Variants in AGO3 observed in about 807,000 individuals in gnomAD.
AGO3 encodes the protein protein argonaute-3.
AGO3 carries 16 observed loss-of-function variants against 105.5 expected under a neutral mutation model. That is an observed-to-expected ratio of 0.15 (90% CI 0.10 to 0.23). The LOEUF is 0.23. AGO3 is among the 10% of genes least tolerant of loss of function. AGO3 has a pLI of 1.00. For synonymous variants in AGO3, 340 were observed against 367.3 expected (o/e 0.93, Z 0.85); for missense variants, 534 against 1,088.0 (o/e 0.49, Z 7.16).
chr1:35,990,096 C>T (rs568213898), intron 5 of AGO3, among the ~76,000 whole-genome samples: 6 of 152,198 alleles, frequency 3.9e-5, no homozygotes, highest in African/African-American at 7.2e-5. Flanking sequence ...ATATTTAAAG[C>T]GGGAGAAGTT....
chr1:36,024,862 T>A (rs1641426224), intron 11 of AGO3, among the ~76,000 whole-genome samples: 1 of 152,148 alleles, frequency 6.6e-6, no homozygotes, highest in African/African-American at 2.4e-5. Flanking sequence ...TCATATATTC[T>A]GGCCAAAGAA....
intron 11 of AGO3, among the ~76,000 whole-genome samples, chr1:36,020,425 A>T (rs1424418840): frequency 6.6e-6 from 1 of 151,876 alleles, no homozygotes. Flanking sequence ...TTTATATATC[A>T]CTCTGTCTCT....
Position 36,013,911 on chromosome 1 carries a change from G to A in AGO3, c.1273-4G>A, listed in dbSNP as rs1569782495. On this transcript the variant is annotated splice_region_variant and splice_polypyrimidine_tract_variant and intron_variant, in intron 10 of 18. Coordinates refer to ENST00000373191, the MANE Select transcript of AGO3 (RefSeq NM_024852.4). The stretch of plus-strand genomic sequence containing the variant: ...CACCATGTTATTTTTTTCTCCTCGT[G>A]TAGAATCGGACAGTAGCAACACCGA... 1 of 1,609,176 alleles carries A rather than the reference G, an allele frequency of 6.2e-7. No homozygotes were observed. Among genetic ancestry groups the A allele is most frequent in the African/African-American group, 1.3e-5 (1 of 74,770 alleles).
At chr1:35,985,584 T>C (rs1647155664) in intron 5 of AGO3, among the ~76,000 whole-genome samples, 1 of 152,080 alleles carries the variant, frequency 6.6e-6, no homozygotes, top group Non-Finnish European at 1.5e-5. Context: ...TAATAAATTG[T>C]GTTTACACAG....
intron 2 of AGO3, among the ~76,000 whole-genome samples, chr1:35,960,559 A>G (rs545925383): frequency 5.1e-4 from 78 of 152,200 alleles, no homozygotes; most frequent in African/African-American, 1.8e-3. Context: ...TGTAATCTCA[A>G]CACTCTGGGA....
At chr1:36,050,202 G>A (rs1642648083) in intron 17 of AGO3, among the ~76,000 whole-genome samples, 1 of 152,166 alleles carries the variant, frequency 6.6e-6, no homozygotes, top group Non-Finnish European at 1.5e-5. Context: ...AATAATGGAG[G>A]CGGTCAGGTG....
intron 16 of AGO3, among the ~76,000 whole-genome samples, chr1:36,041,493 G>A (rs765714669): frequency 1.3e-5 from 2 of 151,968 alleles, no homozygotes; most frequent in African/African-American, 4.8e-5. Context: ...CGCCTGCCTC[G>A]GCCTGCCAAA....
chr1:35,973,571 A>C (rs180994138), intron 5 of AGO3, 60 bp downstream of exon 5: 2 of 1,353,444 alleles, frequency 1.5e-6, no homozygotes, highest in African/African-American at 3.0e-5. Flanking sequence ...ATGTGTGTAC[A>C]TAAATTTTAT....
rs573954321 is a variant in AGO3, at chr1:36,063,905, T to C, written c.*8160T>C. On this transcript the variant is annotated 3_prime_UTR_variant, in exon 19 of 19. Coordinates refer to ENST00000373191, the MANE Select transcript of AGO3 (RefSeq NM_024852.4). ...CTGGGACTACTCACATGCGCCACCA[T>C]GCCCAGCTAATGGTTTTTTTCTTTA... 1.3e-5 allele frequency: 2 copies of C among 152,276 alleles called. No homozygotes were observed. Among genetic ancestry groups the C allele is most frequent in the African/African-American group, 4.8e-5 (2 of 41,554 alleles). 9.4% of individuals were successfully genotyped at this position (152,276 alleles called of 1,614,324 possible). A position where few individuals can be genotyped will look rare whatever the true frequency, so the allele number is the denominator to read the frequency against.
intron 17 of AGO3, among the ~76,000 whole-genome samples, chr1:36,048,285 ATCAT>A (rs976958143): frequency 6.6e-6 from 1 of 151,976 alleles, no homozygotes; most frequent in African/African-American, 2.4e-5. Flanking sequence ...CCCTGTCTCA[ATCAT>A]TCAATCAATC....
At chr1:36,051,439 G>A (rs1356113744) in intron 17 of AGO3, among the ~76,000 whole-genome samples, 2 of 152,122 alleles carry the variant, frequency 1.3e-5, no homozygotes, top group African/African-American at 2.4e-5. Context: ...ACATAGAAAC[G>A]GCTGGGCACA....
chr1:35,971,996 T>G (rs1284358592), intron 3 of AGO3, 28 bp from the exon 4 acceptor site: 1 of 1,586,210 alleles, frequency 6.3e-7, no homozygotes, highest in Non-Finnish European at 8.7e-7. Flanking sequence ...TTTCAACATT[T>G]ACCAGTTGAC....
At chr1:35,963,682 A>AT (rs1385860774) in intron 2 of AGO3, among the ~76,000 whole-genome samples, 1 of 152,090 alleles carries the variant, frequency 6.6e-6, no homozygotes, top group Non-Finnish European at 1.5e-5. Flanking sequence ...TAAAAAAAAA[A>AT]CTATGAACAT....
chr1:35,964,905 G>T (rs1474942439), intron 2 of AGO3, among the ~76,000 whole-genome samples: 3 of 151,444 alleles, frequency 2.0e-5, no homozygotes, highest in South Asian at 2.1e-4. Flanking sequence ...TCATATGCTT[G>T]TTGGCTGCAT....
Position 36,027,793 on chromosome 1 carries a change from A to T in AGO3, c.1591+495A>T, listed in dbSNP as rs565923665. Reference sequence around the variant, plus strand: ...AAGTCCGTCTCAAAAAAAAAAAAAAAGGGTTTCAGTAGTGAAAAGAGGCAT... The same window carrying T: ...AAGTCCGTCTCAAAAAAAAAAAAAATGGGTTTCAGTAGTGAAAAGAGGCAT... On this transcript the variant is annotated intron_variant, in intron 12 of 18. Coordinates refer to ENST00000373191, the MANE Select transcript of AGO3 (RefSeq NM_024852.4). The surrounding 1 kb of genome is among the most constrained non-coding windows in gnomAD (Gnocchi z 4.0). Among the ~76,000 whole-genome samples the T allele has an allele frequency of 2.0e-5, 3 of 151,942 alleles. No individual in the cohort carries two copies. Among genetic ancestry groups the T allele is most frequent in the Non-Finnish European group, 2.9e-5 (2 of 67,956 alleles).
chr1:35,943,637 G>A lies in AGO3; in HGVS notation c.20-2055G>A, dbSNP rs1397836387. 2.7e-5 allele frequency among the ~76,000 whole-genome samples: 3 copies of A among 109,100 alleles called. No individual in the cohort carries two copies. The East Asian group carries it at 8.5e-4, about 31-fold the overall frequency. The allele number at this position is 109,100 out of a possible 152,430, so 71.6% of individuals were successfully genotyped here. On this transcript the variant is annotated intron_variant, in intron 1 of 18. Transcript: ENST00000373191. Reference sequence around the variant, plus strand: ...TTTTTTTTAAGTAAAAGGGTCTCGCGCTATCACCCAGGCTGGAGTGCAGTG... The same window carrying A: ...TTTTTTTTAAGTAAAAGGGTCTCGCACTATCACCCAGGCTGGAGTGCAGTG...
At chr1:36,047,114 A>G (rs909211523) in intron 17 of AGO3, among the ~76,000 whole-genome samples, 3 of 152,094 alleles carry the variant, frequency 2.0e-5, no homozygotes, top group Non-Finnish European at 4.4e-5. Flanking sequence ...GTGGTGGCAC[A>G]TGCCTATAAT....
intron 12 of AGO3, among the ~76,000 whole-genome samples, chr1:36,029,776 TC>T (rs1428879688): frequency 6.8e-6 from 1 of 148,056 alleles, no homozygotes; most frequent in Non-Finnish European, 1.5e-5. Flanking sequence ...CACTGCAACC[TC>T]CACCTCCCAG....
rs1646347614 is a variant in AGO3 at position 35,945,533 on chromosome 1, T to C, written c.20-159T>C. Among the ~76,000 whole-genome samples the C allele has an allele frequency of 2.6e-5, 4 of 152,246 alleles. No individual in the cohort carries two copies. The South Asian group carries it at 8.3e-4, about 31-fold the overall frequency. ...TTATTTTTAATGAAGAGAGGAAATC[T>C]GGGGTGACAGAAGTTGAAGTGTTAG... On this transcript the variant is annotated intron_variant, in intron 1 of 18. Coordinates refer to ENST00000373191, the MANE Select transcript of AGO3 (RefSeq NM_024852.4).
Sources: gnomAD v4.1 joint callset for allele counts (sites outside exome capture counted in the v4.1 genomes callset) on GRCh38, gnomAD v4.1.1 for gene constraint, Gnocchi (gnomAD v3.1) non-coding constraint, MANE v1.5 for transcripts, NCBI Gene and HGNC (gene_info 2026-07-23, HGNC 2026-07-21) for gene names.